The following PTH1R variants were observed in gnomAD, a reference collection of about 807,000 sequenced individuals.
PTH1R encodes the protein parathyroid hormone 1 receptor.
PTH1R carries 32 observed loss-of-function variants against 70.7 expected under a neutral mutation model. That is an observed-to-expected ratio of 0.45 (90% CI 0.34 to 0.61). PTH1R has a LOEUF of 0.61. PTH1R is among the 20% of genes least tolerant of loss of function. The pLI is 0.01. For missense variants in PTH1R, 626 were observed against 792.5 expected (o/e 0.79, Z 2.52); for synonymous variants, 329 against 324.8 (o/e 1.01, Z -0.14).
Position 46,902,626 on chromosome 3 carries a change from C to T in PTH1R, c.1312C>T (p.Gln438Ter). Residue 438 changes from glutamine to a stop codon, truncating the protein, a stop_gained, in exon 14 of 16, where the codon CAA (glutamine) becomes TAA (stop). Coordinates refer to ENST00000449590, the MANE Select transcript of PTH1R (RefSeq NM_000316.3). LOFTEE classifies it high-confidence loss of function. This position sits in a 1 kb window ranked among gnomAD's most constrained non-coding sequence, Gnocchi z 5.4. Reference sequence around the variant, plus strand: ...CACCGAGGTCTCAGGGACGCTCTGGCAAGTCCAGATGCACTATGAGATGCT... The same window carrying T: ...CACCGAGGTCTCAGGGACGCTCTGGTAAGTCCAGATGCACTATGAGATGCT... ...PYTEVSGTLW[Q>*]VQMHYEMLFN... 6.2e-7 allele frequency: 1 copy of T among 1,614,026 alleles called. No individual in the cohort carries two copies. Among genetic ancestry groups the T allele is most frequent in the Non-Finnish European group, 8.5e-7 (1 of 1,180,002 alleles).
chr3:46,896,500 G>A lies in PTH1R; in HGVS notation c.313+631G>A, dbSNP rs968736102. ...TTTGGCCACAGGGCCGGTTTCAGCC[G>A]GCCGGGTGGGCAGCAGATTCCAGAT... is the stretch of plus-strand genomic sequence containing the variant. On this transcript the variant is annotated intron_variant, in intron 5 of 15. Coordinates refer to ENST00000449590, the MANE Select transcript of PTH1R (RefSeq NM_000316.3). This position sits in a 1 kb window ranked among gnomAD's most constrained non-coding sequence, Gnocchi z 4.1. 1.3e-5 allele frequency among the ~76,000 whole-genome samples: 2 copies of A among 152,242 alleles called. No homozygotes were observed. Among genetic ancestry groups the A allele is most frequent in the Admixed American group, 6.5e-5 (1 of 15,286 alleles).
chr3:46,886,797 A>T (rs2031066260), intron 3 of PTH1R, among the ~76,000 whole-genome samples: 1 of 152,226 alleles, frequency 6.6e-6, no homozygotes, highest in South Asian at 2.1e-4. Flanking sequence ...GGGCCCTGAG[A>T]GTCACACAGT....
intron 3 of PTH1R, among the ~76,000 whole-genome samples, chr3:46,887,456 G>GAAAAAA (rs771034289): frequency 1.6e-5 from 1 of 63,940 alleles, no homozygotes. Flanking sequence ...CCCTGTCTCT[G>GAAAAAA]AAAAAAAAAA....
intron 3 of PTH1R, among the ~76,000 whole-genome samples, chr3:46,886,291 G>C (rs557288839): frequency 6.6e-6 from 1 of 152,192 alleles, no homozygotes; most frequent in African/African-American, 2.4e-5. Context: ...ACTGTGGTGT[G>C]GACTCACAGG....
rs966537325 is a variant in PTH1R at position 46,902,562 on chromosome 3, C to G, written c.1248C>G (p.Leu416=). Residue 416 remains leucine, a synonymous_variant, in exon 14 of 16, where the codon CTC becomes CTG. Coordinates refer to ENST00000449590, the MANE Select transcript of PTH1R (RefSeq NM_000316.3). The surrounding 1 kb of genome is among the most constrained non-coding windows in gnomAD (Gnocchi z 5.4). ...AATCCACGCTGGTGCTCATGCCCCT[C>G]TTTGGCGTCCACTACATTGTCTTCA... ...LLKSTLVLMP[L]FGVHYIVFMA... 6.2e-7 allele frequency: 1 copy of G among 1,613,282 alleles called. No homozygotes were observed.
chr3:46,892,901 T>C lies in PTH1R; in HGVS notation c.76-1006T>C. The C allele has an allele frequency of 3.9e-6, 3 of 772,406 alleles. No individual in the cohort carries two copies. Among genetic ancestry groups the C allele is most frequent in the Non-Finnish European group, 4.7e-6 (3 of 634,664 alleles). The allele number at this position is 772,406 out of a possible 1,614,324, so 47.8% of individuals were successfully genotyped here. A position where few individuals can be genotyped will look rare whatever the true frequency, so the allele number is the denominator to read the frequency against. On this transcript the variant is annotated intron_variant, in intron 3 of 15. Coordinates refer to ENST00000449590, the MANE Select transcript of PTH1R (RefSeq NM_000316.3). The surrounding 1 kb of genome is among the most constrained non-coding windows in gnomAD (Gnocchi z 5.2). ...GACCCTGAATTAAGAGGGATGGGGC[T>C]GAGGGCTTCACAGCCCCGCCCTGGG...
chr3:46,892,840 G>A lies in PTH1R; in HGVS notation c.76-1067G>A, dbSNP rs1418402647. ...GGTAGGGATGGAGGGGGTCGTCTCAGGGGACATACCCCTGCCCAGGGGTCT... is the reference window on the plus strand; with the variant it reads ...GGTAGGGATGGAGGGGGTCGTCTCAAGGGACATACCCCTGCCCAGGGGTCT... On this transcript the variant is annotated intron_variant, in intron 3 of 15. Transcript: ENST00000449590. This position sits in a 1 kb window ranked among gnomAD's most constrained non-coding sequence, Gnocchi z 5.2. 1.1e-5 allele frequency: 11 copies of A among 978,368 alleles called. No homozygotes were observed. Among genetic ancestry groups the A allele is most frequent in the African/African-American group, 1.8e-5 (1 of 57,120 alleles). The allele number at this position is 978,368 out of a possible 1,614,324, so 60.6% of individuals were successfully genotyped here.
At position 46,896,037 on chromosome 3, in the gene PTH1R, G is replaced by A. The variant is rs1051695498; in HGVS notation, c.313+168G>A. On this transcript the variant is annotated intron_variant, in intron 5 of 15. Coordinates refer to ENST00000449590, the MANE Select transcript of PTH1R (RefSeq NM_000316.3). This position sits in a 1 kb window ranked among gnomAD's most constrained non-coding sequence, Gnocchi z 4.1. ...GGAGAAGACAGAGTGTAGTGGGAAG[G>A]AAGGGGAGCTAGATGGCTCAGGCCT... 1.3e-5 allele frequency among the ~76,000 whole-genome samples: 2 copies of A among 152,180 alleles called. No homozygotes were observed. Among genetic ancestry groups the A allele is most frequent in the African/African-American group, 4.8e-5 (2 of 41,434 alleles).
chr3:46,895,778 A>C lies in PTH1R; in HGVS notation c.222A>C (p.Thr74=), dbSNP rs149655894. ...ACAAGGGATGGACATCTGCGTCCAC[A>C]TCAGGGAAGCCCAGGAAAGATAAGG... ...ESDKGWTSAS[T]SGKPRKDKAS... The change falls in exon 5 of 16, where the codon ACA becomes ACC. Residue 74 remains threonine (T), a synonymous_variant. Transcript: ENST00000449590. The C allele has an allele frequency of 6.2e-7, 1 of 1,614,016 alleles. No homozygotes were observed. The highest frequency in any genetic ancestry group is 1.3e-5 in the African/African-American group (1 of 74,884).
Position 46,892,601 on chromosome 3 carries a change from A to G in PTH1R, c.76-1306A>G, listed in dbSNP as rs570193075. ...GCTGCTGCCGCCAAGAGACGCGGTC[A>G]ATTAACTTCTCCCTGCAGCCAGGCT... is the stretch of plus-strand genomic sequence containing the variant. On this transcript the variant is annotated intron_variant, in intron 3 of 15. Coordinates refer to ENST00000449590, the MANE Select transcript of PTH1R (RefSeq NM_000316.3). The surrounding 1 kb of genome is among the most constrained non-coding windows in gnomAD (Gnocchi z 5.2). 1 of 328,374 alleles carries G rather than the reference A, an allele frequency of 3.0e-6. No individual in the cohort carries two copies. Among genetic ancestry groups the G allele is most frequent in the East Asian group, 1.7e-4 (1 of 5,854 alleles). The allele number at this position is 328,374 out of a possible 1,614,324, so 20.3% of individuals were successfully genotyped here.
In PTH1R at chr3:46,882,770, G is replaced by A. The variant is rs867747922; in HGVS notation, c.-48-742G>A. ...CTAGAGACGGACTGACAGACAGGCAGACCGACAGAGCGTCGGGGCCGCTGC... is the reference window on the plus strand; with the variant it reads ...CTAGAGACGGACTGACAGACAGGCAAACCGACAGAGCGTCGGGGCCGCTGC... On this transcript the variant is annotated intron_variant, in intron 2 of 15. Transcript: ENST00000449590. The surrounding 1 kb of genome is among the most constrained non-coding windows in gnomAD (Gnocchi z 4.3). Among the ~76,000 whole-genome samples the A allele has an allele frequency of 6.6e-6, 1 of 152,128 alleles. No individual in the cohort carries two copies. The highest frequency in any genetic ancestry group is 2.4e-5 in the African/African-American group (1 of 41,432).
rs1434008742 is a variant in PTH1R, at chr3:46,895,073, AAC to A, written c.179-660_179-659del. On this transcript the variant is annotated intron_variant, in intron 4 of 15. Transcript: ENST00000449590. Reference sequence around the variant, plus strand: ...AGGGAGACCTTGTCTCAAAAAAAAAAACAAAAAAAACAAACAAACAAAAAAAA... The same window carrying A: ...AGGGAGACCTTGTCTCAAAAAAAAAAAAAAAAAACAAACAAACAAAAAAAA... 1.0e-3 allele frequency among the ~76,000 whole-genome samples: 110 copies of A among 105,844 alleles called. 2 individuals carry two copies. The highest frequency in any genetic ancestry group is 8.8e-3 in the Middle Eastern group (2 of 226). The allele number at this position is 105,844 out of a possible 152,430, so 69.4% of individuals were successfully genotyped here.
chr3:46,890,064 C>A (rs144615633), intron 3 of PTH1R, among the ~76,000 whole-genome samples: 1 of 152,130 alleles, frequency 6.6e-6, no homozygotes, highest in Admixed American at 6.5e-5. Flanking sequence ...AGGAGGGGGT[C>A]CTTTTTCCTC....
Position 46,883,981 on chromosome 3 carries a change from C to G in PTH1R, c.75+347C>G, listed in dbSNP as rs866927111. On this transcript the variant is annotated intron_variant, in intron 3 of 15. Transcript: ENST00000449590. This position sits in a 1 kb window ranked among gnomAD's most constrained non-coding sequence, Gnocchi z 6.4. ...CTGGGCTTTGGCCCTGCTGCGTACT[C>G]CCACAGACTTTGCTTTGGGGACCTC... is the stretch of plus-strand genomic sequence containing the variant. 6.6e-6 allele frequency among the ~76,000 whole-genome samples: 1 copy of G among 152,220 alleles called. No homozygotes were observed. The highest frequency in any genetic ancestry group is 1.5e-5 in the Non-Finnish European group (1 of 68,034).
intron 1 of PTH1R, among the ~76,000 whole-genome samples, chr3:46,878,323 C>A (rs2030354826): frequency 1.3e-5 from 2 of 152,202 alleles, no homozygotes; most frequent in Admixed American, 6.5e-5. Flanking sequence ...CTACTGGGCT[C>A]TTGCCTCAAA....
Position 46,902,781 on chromosome 3 carries a change from C to T in PTH1R, c.1386C>T (p.Cys462=). The T allele has an allele frequency of 6.2e-7, 1 of 1,613,790 alleles. No individual in the cohort carries two copies. Among genetic ancestry groups the T allele is most frequent in the Admixed American group, 1.7e-5 (1 of 60,018 alleles). ...GFFVAIIYCF[C]NGEVQAEIKK... Reference sequence around the variant, plus strand: ...TTGTCGCAATCATATACTGTTTCTGCAATGGCGAGGTAAGCAGGAGACAGT... The same window carrying T: ...TTGTCGCAATCATATACTGTTTCTGTAATGGCGAGGTAAGCAGGAGACAGT... The change falls in exon 15 of 16, where the codon TGC becomes TGT. Residue 462 remains cysteine (C), a synonymous_variant. Coordinates refer to ENST00000449590, the MANE Select transcript of PTH1R (RefSeq NM_000316.3). The surrounding 1 kb of genome is among the most constrained non-coding windows in gnomAD (Gnocchi z 5.4).
Position 46,901,008 on chromosome 3 carries a change from C to A in PTH1R, c.989-17C>A. On this transcript the variant is annotated splice_polypyrimidine_tract_variant and intron_variant, in intron 10 of 15. Transcript: ENST00000449590. The surrounding 1 kb of genome is among the most constrained non-coding windows in gnomAD (Gnocchi z 7.3). ...AGCAGCCACAGTCCTGCACACTGTC[C>A]CCCTCTGTGCCCACAGGTCTGCCCG... 6.3e-7 allele frequency: 1 copy of A among 1,576,064 alleles called. No individual in the cohort carries two copies. The highest frequency in any genetic ancestry group is 8.6e-7 in the Non-Finnish European group (1 of 1,159,236).
At position 46,898,237 on chromosome 3, in the gene PTH1R, C is replaced by CCCACCCCACGGGTGACCCCTGA. The variant is rs749989549; in HGVS notation, c.543+48_543+69dup. On this transcript the variant is annotated intron_variant, in intron 7 of 15. Coordinates refer to ENST00000449590, the MANE Select transcript of PTH1R (RefSeq NM_000316.3). ...CCAACCTGACCAGGATAAATTCACT[C>CCCACCCCACGGGTGACCCCTGA]CCACCCCACGGGTGACCCCTGACCC... The CCCACCCCACGGGTGACCCCTGA allele has an allele frequency of 6.0e-4, 958 of 1,602,528 alleles. 1 individual carries two copies. The highest frequency in any genetic ancestry group is 1.3e-3 in the Admixed American group (81 of 60,008).
intron 4 of PTH1R, among the ~76,000 whole-genome samples, chr3:46,894,708 A>G (rs929962648): frequency 1.3e-5 from 2 of 152,210 alleles, no homozygotes; most frequent in Non-Finnish European, 1.5e-5. Flanking sequence ...AAATGAGCAC[A>G]GTCATTCTCA....
Sources: allele counts gnomAD v4.1 joint callset (sites outside exome capture counted in the v4.1 genomes callset), GRCh38; gene constraint gnomAD v4.1.1; non-coding constraint Gnocchi (gnomAD v3.1); transcripts MANE v1.5; gene names NCBI Gene and HGNC (gene_info 2026-07-23, HGNC 2026-07-21).